Variants in LPAR3 observed in about 807,000 individuals in gnomAD.
LPAR3 encodes the protein lysophosphatidic acid receptor 3.
In LPAR3, 7 loss-of-function variants were observed where a neutral mutation model predicts 17.8. That is an observed-to-expected ratio of 0.39 (90% CI 0.22 to 0.74). LPAR3 has a LOEUF of 0.74. Ranked by LOEUF, LPAR3 falls within the 30% of genes least tolerant of loss-of-function variation. LPAR3 has a pLI of 0.40. For missense variants in LPAR3, 391 were observed against 453.4 expected, an observed-to-expected ratio of 0.86 and a Z score of 1.25; for synonymous variants, 179 against 179.9, an observed-to-expected ratio of 0.99 and a Z score of 0.04.
chr1:84,879,304 C>CTT (rs1553149955), intron 1 of LPAR3, among the ~76,000 whole-genome samples: 5 of 120,182 alleles, frequency 4.2e-5, no homozygotes, highest in South Asian at 2.4e-4. Context: ...TCTTTCTTTT[C>CTT]TTTTCTTTTT....
chr1:84,890,211 G>A (rs1660528027), intron 1 of LPAR3, among the ~76,000 whole-genome samples: 1 of 149,750 alleles, frequency 6.7e-6, no homozygotes, highest in African/African-American at 2.5e-5. Context: ...AGTACCTGCA[G>A]GAGGAATGAC....
At chr1:84,880,814 T>C (rs547315114) in intron 1 of LPAR3, among the ~76,000 whole-genome samples, 1 of 152,252 alleles carries the variant, frequency 6.6e-6, no homozygotes, top group South Asian at 2.1e-4. Flanking sequence ...ACCCTTCAAA[T>C]GTGGCCACAG....
At chr1:84,852,464 G>T (rs1659737808) in intron 2 of LPAR3, among the ~76,000 whole-genome samples, 1 of 152,128 alleles carries the variant, frequency 6.6e-6, no homozygotes, top group African/African-American at 2.4e-5. Flanking sequence ...AGCTTGGAAG[G>T]CAAGGCAGAT....
chr1:84,853,512 A>T (rs1487444514), intron 2 of LPAR3, among the ~76,000 whole-genome samples: 1 of 152,100 alleles, frequency 6.6e-6, no homozygotes, highest in Non-Finnish European at 1.5e-5. Flanking sequence ...CCCATGATGG[A>T]TCCCTCTTCC....
intron 2 of LPAR3, among the ~76,000 whole-genome samples, chr1:84,858,302 C>T (rs574286916): frequency 1.3e-5 from 2 of 151,842 alleles, no homozygotes; most frequent in East Asian, 1.9e-4. Context: ...GGCAACATGG[C>T]GAAACTCTAT....
intron 2 of LPAR3, among the ~76,000 whole-genome samples, chr1:84,856,059 G>A (rs1215611933): frequency 3.3e-5 from 5 of 152,184 alleles, no homozygotes; most frequent in East Asian, 1.9e-4. Context: ...AAACAGCAGC[G>A]TAGGGGCAGC....
intron 1 of LPAR3, among the ~76,000 whole-genome samples, chr1:84,868,339 A>C (rs947920729): frequency 6.6e-6 from 1 of 152,076 alleles, no homozygotes; most frequent in African/African-American, 2.4e-5. Context: ...CGAACTCCTG[A>C]TCTCAGGTGA....
At chr1:84,837,183 A>G (rs571641381) in intron 2 of LPAR3, among the ~76,000 whole-genome samples, 194 of 152,160 alleles carry the variant, frequency 1.3e-3, no homozygotes, top group Non-Finnish European at 2.0e-3. Context: ...CACCACACCC[A>G]GCTAGTTTTT....
intron 2 of LPAR3, among the ~76,000 whole-genome samples, chr1:84,831,143 C>T (rs1473030246): frequency 3.3e-5 from 5 of 152,192 alleles, no homozygotes; most frequent in Admixed American, 6.5e-5. Context: ...AGAAGAAGTT[C>T]CAAAAGTCTC....
In LPAR3 at chr1:84,879,316, C is replaced by CTTTTTTCTTTT. The variant is rs1553149965; in HGVS notation, c.-18-13179_-18-13178insAAAAGAAAAAA. Among the ~76,000 whole-genome samples, 256 of 120,600 alleles carry CTTTTTTCTTTT rather than the reference C, an allele frequency of 2.1e-3. 7 individuals are homozygous for CTTTTTTCTTTT. Among genetic ancestry groups the CTTTTTTCTTTT allele is most frequent in the Middle Eastern group, 8.8e-3 (2 of 228 alleles). The allele number at this position is 120,600 out of a possible 152,430, so 79.1% of individuals were successfully genotyped here. On this transcript the variant is annotated intron_variant, in intron 1 of 2. Transcript: ENST00000370611. ...TTTTCTTTCTTTTCTTTTCTTTTTT[C>CTTTTTTCTTTT]TTTTTTTTTTTTTGAGATGGAATCT...
At chr1:84,848,814 G>A (rs561838116) in intron 2 of LPAR3, among the ~76,000 whole-genome samples, 22 of 152,252 alleles carry the variant, frequency 1.4e-4, no homozygotes, top group African/African-American at 4.8e-4. Context: ...GACAGCATTC[G>A]TTAAGTTTGC....
At chr1:84,826,679 T>A (rs1225251099) in intron 2 of LPAR3, among the ~76,000 whole-genome samples, 1 of 151,896 alleles carries the variant, frequency 6.6e-6, no homozygotes, top group Non-Finnish European at 1.5e-5. Context: ...CTACATTAAT[T>A]CACTAAATAA....
At chr1:84,870,298 T>G (rs1047680317) in intron 1 of LPAR3, among the ~76,000 whole-genome samples, 9 of 152,234 alleles carry the variant, frequency 5.9e-5, no homozygotes, top group African/African-American at 2.2e-4. Context: ...ACCCAGTATT[T>G]TCTTTTGTTG....
At chr1:84,874,312 T>C (rs1382229928) in intron 1 of LPAR3, among the ~76,000 whole-genome samples, 3 of 152,158 alleles carry the variant, frequency 2.0e-5, no homozygotes, top group East Asian at 1.9e-4. Flanking sequence ...AACAGGTTCT[T>C]GTGTCAGTGC....
At chr1:84,828,590 G>A (rs1369497363) in intron 2 of LPAR3, among the ~76,000 whole-genome samples, 1 of 152,172 alleles carries the variant, frequency 6.6e-6, no homozygotes, top group African/African-American at 2.4e-5. Context: ...TGAACTGGCA[G>A]GTCATAAGGC....
At chr1:84,832,356 T>C (rs972240375) in intron 2 of LPAR3, among the ~76,000 whole-genome samples, 2 of 152,170 alleles carry the variant, frequency 1.3e-5, no homozygotes, top group East Asian at 1.9e-4. Flanking sequence ...TGAAAGACAA[T>C]ACCTTTCCTC....
intron 2 of LPAR3, among the ~76,000 whole-genome samples, chr1:84,817,261 T>TCTCACACACA (rs374303505): frequency 3.4e-5 from 5 of 147,428 alleles, no homozygotes; most frequent in African/African-American, 1.3e-4. Context: ...CCAGGATCTA[T>TCTCACACACA]CACACACACA....
intron 1 of LPAR3, among the ~76,000 whole-genome samples, chr1:84,882,541 AAAG>A (rs1381835080): frequency 2.0e-5 from 3 of 152,218 alleles, no homozygotes; most frequent in African/African-American, 7.2e-5. Flanking sequence ...CAATCATAAG[AAAG>A]AAGAACAAAG....
intron 2 of LPAR3, among the ~76,000 whole-genome samples, chr1:84,815,277 C>T (rs1029976136): frequency 1.3e-5 from 2 of 152,152 alleles, no homozygotes; most frequent in Middle Eastern, 3.2e-3. Flanking sequence ...GATGTGGTTG[C>T]TTTCGGCGAA....
Sources: allele counts gnomAD v4.1 joint callset (sites outside exome capture counted in the v4.1 genomes callset), GRCh38; gene constraint gnomAD v4.1.1; transcripts MANE v1.5; gene names NCBI Gene and HGNC (gene_info 2026-07-23, HGNC 2026-07-21).